The following PKP1 variants were observed in gnomAD, a reference collection of about 807,000 sequenced individuals.
PKP1 encodes plakophilin-1.
A neutral mutation model predicts 76.4 loss-of-function variants in PKP1; 27 were observed. The ratio of observed to expected loss-of-function variants is 0.35; its 90% CI spans 0.26 to 0.49. The LOEUF (loss-of-function observed/expected upper bound fraction) is 0.49, where lower values mean the gene tolerates loss of function less well. Ranked by LOEUF, PKP1 falls within the 20% of genes least tolerant of loss-of-function variation. The pLI is 0.99. For missense variants in PKP1, 964 were observed against 955.2 expected, an observed-to-expected ratio of 1.01 and a Z score of -0.12; for synonymous variants, 404 against 384.2, an observed-to-expected ratio of 1.05 and a Z score of -0.60.
At position 201,318,692 on chromosome 1, in the gene PKP1, G is replaced by T. The variant is rs145561852; in HGVS notation, c.1129G>T (p.Asp377Tyr). 4.3e-6 allele frequency: 7 copies of T among 1,612,198 alleles called. No individual in the cohort carries two copies. The highest frequency in any genetic ancestry group is 5.9e-6 in the Non-Finnish European group (7 of 1,179,904). Reference sequence around the variant, plus strand: ...TGCCGACGCCCTGCCTGTTCTGGCCGACCGCGTCATCATTCCCTTCTCTGG... The same window carrying T: ...TGCCGACGCCCTGCCTGTTCTGGCCTACCGCGTCATCATTCCCTTCTCTGG... ...LIADALPVLA[D>Y]RVIIPFSGWC... The change falls in exon 6 of 14, where the codon GAC (aspartate) becomes TAC (tyrosine). Residue 377 changes from aspartate (D) to tyrosine (Y), a missense_variant. Asp to Tyr is a radical substitution (Grantham distance 160, BLOSUM62 -3). Coordinates refer to ENST00000367324, the MANE Select transcript of PKP1 (RefSeq NM_001005337.3).
chr1:201,320,755 T>C (rs1234976869), intron 7 of PKP1, among the ~76,000 whole-genome samples: 3 of 152,176 alleles, frequency 2.0e-5, no homozygotes, highest in Non-Finnish European at 4.4e-5. Context: ...CCAGCGAGCA[T>C]CTGCTGGCTG....
chr1:201,294,506 C>T (rs1053441703), intron 2 of PKP1, among the ~76,000 whole-genome samples: 2 of 152,156 alleles, frequency 1.3e-5, no homozygotes, highest in Non-Finnish European at 1.5e-5. Flanking sequence ...TAGAGTGGAG[C>T]CTCCCTGACA....
At chr1:201,287,642 C>T (rs1030783031) in intron 1 of PKP1, among the ~76,000 whole-genome samples, 1 of 152,194 alleles carries the variant, frequency 6.6e-6, no homozygotes. Flanking sequence ...CCAGAATTTC[C>T]GTTGGCCTGT....
chr1:201,297,682 C>G (rs1343237138), intron 2 of PKP1, among the ~76,000 whole-genome samples: 1 of 152,146 alleles, frequency 6.6e-6, no homozygotes, highest in Non-Finnish European at 1.5e-5. Context: ...TGGGTTTCCA[C>G]AATCTCAATA....
At position 201,324,980 on chromosome 1, in the gene PKP1, G is replaced by C; in HGVS notation, c.1874G>C (p.Ser625Thr). ...CCGGAGGTGACCAGGCTCCTCACCAGCCACACTGGCAATACCAGCAACTCC... is the reference window on the plus strand; with the variant it reads ...CCGGAGGTGACCAGGCTCCTCACCACCCACACTGGCAATACCAGCAACTCC... Reference protein sequence around the residue: ...VFPEVTRLLTSHTGNTSNSED... With the variant: ...VFPEVTRLLTTHTGNTSNSED... Residue 625 changes from serine (S) to threonine (T), a missense_variant, in exon 11 of 14, where the codon AGC (serine) becomes ACC (threonine). By Grantham distance (58) the Ser-to-Thr change is moderately conservative (BLOSUM62 1). Transcript: ENST00000367324. 2.5e-6 allele frequency: 4 copies of C among 1,613,788 alleles called. No homozygotes were observed. The highest frequency in any genetic ancestry group is 3.4e-6 in the Non-Finnish European group (4 of 1,179,982).
intron 4 of PKP1, 110 bp downstream of exon 4, chr1:201,316,807 C>A: frequency 2.5e-6 from 3 of 1,203,106 alleles, no homozygotes; most frequent in Non-Finnish European, 3.6e-6. Context: ...GCTTCTCTTG[C>A]CTTGCCCAGC....
At chr1:201,326,163 G>A (rs1475531987) in intron 12 of PKP1, among the ~76,000 whole-genome samples, 1 of 152,208 alleles carries the variant, frequency 6.6e-6, no homozygotes, top group African/African-American at 2.4e-5. Flanking sequence ...AGGGCATGGG[G>A]TTCACTCCAG....
chr1:201,320,339 C>G lies in PKP1; in HGVS notation c.1305C>G (p.Ala435=), dbSNP rs759500662. 9.3e-6 allele frequency: 15 copies of G among 1,613,930 alleles called. No individual in the cohort carries two copies. Among genetic ancestry groups the G allele is most frequent in the Admixed American group, 1.7e-5 (1 of 60,002 alleles). The change falls in exon 7 of 14, where the codon GCC becomes GCG. Residue 435 remains alanine (A), a synonymous_variant. Transcript: ENST00000367324. ...NYSGLIDSLM[A]YVQNCVAASR... is the part of the protein sequence containing the mutation. ...CAGGGCTCATTGATTCCCTCATGGC[C>G]TATGTCCAGAACTGTGTAGCGGCCA...
At position 201,294,134 on chromosome 1, in the gene PKP1, A is replaced by C. The variant is rs538804954; in HGVS notation, c.306+89A>C. On this transcript the variant is annotated intron_variant, in intron 2 of 13. Transcript: ENST00000367324. ...TGGAGAAAACCGGCACCAGTTGCTA[A>C]AAAGAGTGATGTAGGCTTTGGTCCG... The C allele has an allele frequency of 5.6e-4, 484 of 858,596 alleles. 5 individuals carry two copies. The South Asian group carries it at 6.0e-3, about 11-fold the overall frequency. The allele number at this position is 858,596 out of a possible 1,614,324, so 53.2% of individuals were successfully genotyped here.
At chr1:201,295,119 C>G (rs970655706) in intron 2 of PKP1, among the ~76,000 whole-genome samples, 1 of 152,056 alleles carries the variant, frequency 6.6e-6, no homozygotes, top group East Asian at 1.9e-4. Flanking sequence ...GATGAAGCAG[C>G]ATTTGCTTTA....
chr1:201,301,552 C>T (rs1571546097), intron 2 of PKP1, among the ~76,000 whole-genome samples: 2 of 152,270 alleles, frequency 1.3e-5, no homozygotes, highest in Non-Finnish European at 2.9e-5. Context: ...AGACAATTCC[C>T]TGGCCACAGA....
intron 2 of PKP1, among the ~76,000 whole-genome samples, chr1:201,304,011 A>G (rs1656305115): frequency 1.3e-5 from 2 of 152,324 alleles, no homozygotes; most frequent in South Asian, 2.1e-4. Context: ...CTGAGCACCT[A>G]CAGTTCTCTG....
chr1:201,283,682 C>T lies in PKP1; in HGVS notation c.-21C>T. 9 of 1,608,656 alleles carry T rather than the reference C, an allele frequency of 5.6e-6. No homozygotes were observed. Among genetic ancestry groups the T allele is most frequent in the Non-Finnish European group, 7.6e-6 (9 of 1,176,940 alleles). The stretch of plus-strand genomic sequence containing the variant: ...TCTGCTCTCCTAGGCCCCGGCCGCG[C>T]GCCACCCGCCTCCCGCCACCATGAA... On this transcript the variant is annotated 5_prime_UTR_variant, in exon 1 of 14. Transcript: ENST00000367324.
intron 1 of PKP1, among the ~76,000 whole-genome samples, chr1:201,290,180 T>C (rs1655872286): frequency 6.6e-6 from 1 of 151,702 alleles, no homozygotes; most frequent in South Asian, 2.1e-4. Flanking sequence ...TCTGAGATGG[T>C]TTTACACCCT....
intron 6 of PKP1, among the ~76,000 whole-genome samples, chr1:201,319,479 T>G (rs911481606): frequency 1.3e-5 from 2 of 152,142 alleles, no homozygotes; most frequent in Non-Finnish European, 2.9e-5. Context: ...GAGTGGTGGG[T>G]GCAGCTGGCA....
At chr1:201,328,572 G>A (rs978653330) in intron 12 of PKP1, 190 bp from the exon 13 acceptor site, 8 of 649,258 alleles carry the variant, frequency 1.2e-5, no homozygotes, top group Middle Eastern at 3.9e-4. Context: ...ACATTGCACC[G>A]ACTCATGGAG....
In PKP1 at chr1:201,309,682, C is replaced by T. The variant is rs2268162; in HGVS notation, c.307-3484C>T. ...GGCGGTGAAGCTCTCCCACCTGCAG[C>T]GGGCGCACGTGCACTGCCCGTGCAT... On this transcript the variant is annotated intron_variant, in intron 2 of 13. Transcript: ENST00000367324. 1.0e-3 allele frequency among the ~76,000 whole-genome samples: 153 copies of T among 152,212 alleles called. No homozygotes were observed. The East Asian group carries it at 0.021, about 21-fold the overall frequency.
At chr1:201,327,886 G>T (rs947323241) in intron 12 of PKP1, among the ~76,000 whole-genome samples, 6 of 152,178 alleles carry the variant, frequency 3.9e-5, no homozygotes, top group Non-Finnish European at 8.8e-5. Flanking sequence ...CAAGGAGTTT[G>T]TCTTGATTCA....
intron 6 of PKP1, 76 bp downstream of exon 6, chr1:201,318,871 A>G (rs1656852744): frequency 8.0e-7 from 1 of 1,243,204 alleles, no homozygotes; most frequent in Non-Finnish European, 1.2e-6. Context: ...CTCAGCCAAC[A>G]TTCAGCCGGT....
Sources: allele counts gnomAD v4.1 joint callset (sites outside exome capture counted in the v4.1 genomes callset), GRCh38; gene constraint gnomAD v4.1.1; transcripts MANE v1.5; gene names NCBI Gene and HGNC (gene_info 2026-07-23, HGNC 2026-07-21).